The following DENND6A variants were observed in gnomAD, a reference collection of about 807,000 sequenced individuals.
DENND6A encodes DENN domain containing 6A.
In DENND6A, 43 loss-of-function variants were observed where a neutral mutation model predicts 95.5. The ratio of observed to expected loss-of-function variants is 0.45; its 90% CI spans 0.35 to 0.58. DENND6A has a LOEUF of 0.58. Ranked by LOEUF, DENND6A falls within the 20% of genes least tolerant of loss-of-function variation. The pLI, the probability that DENND6A is intolerant of heterozygous loss-of-function variation, is 0.00. For synonymous variants in DENND6A, 257 were observed against 260.4 expected (o/e 0.99, Z 0.13); for missense variants, 574 against 736.0 (o/e 0.78, Z 2.55).
chr3:57,646,188 T>C, intron 10 of DENND6A, 128 bp downstream of exon 10: 1 of 1,326,612 alleles, frequency 7.5e-7, no homozygotes, highest in South Asian at 1.6e-5. Context: ...ATAGGGTTTT[T>C]GCATGGATCA....
chr3:57,657,093 G>A (rs2071341668), intron 9 of DENND6A, among the ~76,000 whole-genome samples: 1 of 152,218 alleles, frequency 6.6e-6, no homozygotes, highest in South Asian at 2.1e-4. Context: ...TGGGGAACTA[G>A]AACTTGGGTA....
At chr3:57,658,327 G>A (rs545191117) in intron 8 of DENND6A, among the ~76,000 whole-genome samples, 1 of 151,872 alleles carries the variant, frequency 6.6e-6, no homozygotes, top group East Asian at 1.9e-4. Context: ...CCAGGAGTTC[G>A]AGACCAGCCT....
chr3:57,634,655 A>C, intron 13 of DENND6A, 33 bp from the exon 14 acceptor site: 1 of 1,483,032 alleles, frequency 6.7e-7, no homozygotes, highest in Non-Finnish European at 9.0e-7. Flanking sequence ...AAACAAAAAA[A>C]CCCAAGTACC....
At chr3:57,645,430 C>T (rs2071058853) in intron 11 of DENND6A, among the ~76,000 whole-genome samples, 1 of 152,136 alleles carries the variant, frequency 6.6e-6, no homozygotes, top group African/African-American at 2.4e-5. Context: ...CACTGCACTC[C>T]AGCCTGGGCG....
chr3:57,644,200 T>A (rs2071015441), intron 11 of DENND6A, among the ~76,000 whole-genome samples: 1 of 144,370 alleles, frequency 6.9e-6, no homozygotes, highest in African/African-American at 2.6e-5. Context: ...CAGAACACAA[T>A]ACCTAGCGAA....
At chr3:57,628,776 A>C in intron 19 of DENND6A, 35 bp downstream of exon 19, 1 of 1,595,096 alleles carries the variant, frequency 6.3e-7, no homozygotes, top group African/African-American at 1.3e-5. Flanking sequence ...TTCAAAGAAA[A>C]GTCAATTTAA....
At chr3:57,691,430 T>G (rs567256031) in intron 1 of DENND6A, among the ~76,000 whole-genome samples, 2 of 152,308 alleles carry the variant, frequency 1.3e-5, no homozygotes, top group Admixed American at 6.5e-5. Context: ...CTCCTCTAAA[T>G]TATTGCCTCA....
chr3:57,671,247 G>A (rs1426496600), intron 3 of DENND6A, among the ~76,000 whole-genome samples: 11 of 152,144 alleles, frequency 7.2e-5, no homozygotes, highest in African/African-American at 9.7e-5. Context: ...GTAACCGGCC[G>A]GGTGTGGTGG....
At chr3:57,654,878 A>G (rs1282381008) in intron 9 of DENND6A, 1 of 771,682 alleles carries the variant, frequency 1.3e-6, no homozygotes, top group East Asian at 1.3e-4. Context: ...ACTTTCATTC[A>G]CACTAATAAA....
intron 1 of DENND6A, among the ~76,000 whole-genome samples, chr3:57,690,412 G>A (rs747517813): frequency 1.3e-5 from 2 of 152,158 alleles, no homozygotes; most frequent in Admixed American, 6.5e-5. Context: ...GCTGAGGCAG[G>A]AGAATGGCGT....
At chr3:57,650,430 A>ACACG in intron 9 of DENND6A, among the ~76,000 whole-genome samples, 1 of 144,658 alleles carries the variant, frequency 6.9e-6, no homozygotes, top group Middle Eastern at 3.7e-3. Context: ...ATACACACAC[A>ACACG]CACACACACA....
rs2070553340 is a variant in DENND6A at position 57,627,316 on chromosome 3, G to A, written c.*898C>T. 6.6e-6 allele frequency: 1 copy of A among 151,936 alleles called. No homozygotes were observed. The highest frequency in any genetic ancestry group is 2.4e-5 in the African/African-American group (1 of 41,372). 9.4% of individuals were successfully genotyped at this position (151,936 alleles called of 1,614,324 possible). On this transcript the variant is annotated 3_prime_UTR_variant, in exon 20 of 20. Coordinates refer to ENST00000311128, the MANE Select transcript of DENND6A (RefSeq NM_152678.3). ...GTGCCACCATGCCTGGCTAATTTTT[G>A]TATTTTTACTAGAGACGGGGTTTCA...
At chr3:57,663,007 T>C (rs2071453086) in intron 5 of DENND6A, among the ~76,000 whole-genome samples, 1 of 150,638 alleles carries the variant, frequency 6.6e-6, no homozygotes, top group African/African-American at 2.4e-5. Context: ...TAATGCCAGC[T>C]ACTTGTGAGG....
Position 57,672,409 on chromosome 3 carries a change from A to G in DENND6A, c.267T>C (p.Thr89=). ...CAGTATTTTTACTTACTTCTCTGTC[A>G]GTAAGTTTGGAATGCTGAGGATAAA... is the stretch of plus-strand genomic sequence containing the variant. ...EVIYPQHSKL[T]DREKTNICYL... The change falls in exon 2 of 20, where the codon ACT becomes ACC. Residue 89 remains threonine (T), a synonymous_variant. Coordinates refer to ENST00000311128, the MANE Select transcript of DENND6A (RefSeq NM_152678.3). 6.2e-7 allele frequency: 1 copy of G among 1,612,968 alleles called. No homozygotes were observed. The highest frequency in any genetic ancestry group is 8.5e-7 in the Non-Finnish European group (1 of 1,179,518).
chr3:57,693,029 C>G lies in DENND6A; in HGVS notation c.-11G>C, dbSNP rs749112117. 2.5e-5 allele frequency: 35 copies of G among 1,405,262 alleles called. No individual in the cohort carries two copies. In the East Asian group the frequency reaches 9.8e-4, roughly 39 times the overall value. The allele number at this position is 1,405,262 out of a possible 1,614,324, so 87.0% of individuals were successfully genotyped here. On this transcript the variant is annotated 5_prime_UTR_variant, in exon 1 of 20. Transcript: ENST00000311128. ...GCCCCTCAAAGCCATCGGCCGCCCCCTGACCGTTCGCGCCGCCTCCACAGC... is the reference window on the plus strand; with the variant it reads ...GCCCCTCAAAGCCATCGGCCGCCCCGTGACCGTTCGCGCCGCCTCCACAGC...
intron 9 of DENND6A, among the ~76,000 whole-genome samples, chr3:57,647,175 AAAAAG>A (rs1575829747): frequency 6.6e-6 from 1 of 152,340 alleles, no homozygotes; most frequent in African/African-American, 2.4e-5. Flanking sequence ...CATGCAAATA[AAAAAG>A]AAAAGAAAAA....
At chr3:57,675,784 C>A (rs1321814975) in intron 1 of DENND6A, among the ~76,000 whole-genome samples, 1 of 152,212 alleles carries the variant, frequency 6.6e-6, no homozygotes, top group Non-Finnish European at 1.5e-5. Flanking sequence ...ATGAACATAA[C>A]ATTTATCAAA....
chr3:57,675,317 C>G (rs1309153524), intron 1 of DENND6A, among the ~76,000 whole-genome samples: 1 of 152,146 alleles, frequency 6.6e-6, no homozygotes, highest in Admixed American at 6.5e-5. Context: ...TACCAATTGA[C>G]TAATAACTCA....
rs1200655697 is a variant in DENND6A at position 57,627,033 on chromosome 3, T to C, written c.*1181A>G. On this transcript the variant is annotated 3_prime_UTR_variant, in exon 20 of 20. Transcript: ENST00000311128. ...CTCATGAATGCCTTTGAAATAAGAA[T>C]AGTTCAGTTTAAAAAAATAGCTGAT... 6.6e-6 allele frequency: 1 copy of C among 152,268 alleles called. No homozygotes were observed. Among genetic ancestry groups the C allele is most frequent in the African/African-American group, 2.4e-5 (1 of 41,564 alleles). The allele number at this position is 152,268 out of a possible 1,614,324, so 9.4% of individuals were successfully genotyped here. A position where few individuals can be genotyped will look rare whatever the true frequency, so the allele number is the denominator to read the frequency against.
Sources: gnomAD v4.1 joint callset for allele counts (sites outside exome capture counted in the v4.1 genomes callset) on GRCh38, gnomAD v4.1.1 for gene constraint, MANE v1.5 for transcripts, NCBI Gene and HGNC (gene_info 2026-07-23, HGNC 2026-07-21) for gene names.